Variants in CMTM4 observed in about 807,000 individuals in gnomAD.
The protein encoded by CMTM4 is CKLF like MARVEL transmembrane domain containing 4.
Under a neutral mutation model 19.0 loss-of-function variants are expected in CMTM4, and 8 were observed. The ratio of observed to expected loss-of-function variants is 0.42; its 90% CI spans 0.25 to 0.76. The LOEUF is 0.76. Ranked by LOEUF, CMTM4 falls within the 30% of genes least tolerant of loss-of-function variation. The pLI, the probability that CMTM4 is intolerant of heterozygous loss-of-function variation, is 0.27. For synonymous variants in CMTM4, 106 were observed against 121.1 expected, an observed-to-expected ratio of 0.88 and a Z score of 0.82; for missense variants, 228 against 290.2, an observed-to-expected ratio of 0.79 and a Z score of 1.56.
chr16:66,599,068 C>T, the CMTM4 span, among the ~76,000 whole-genome samples: 1 of 151,938 alleles, frequency 6.6e-6, no homozygotes, highest in Non-Finnish European at 1.5e-5. Context: ...TCATTTGAGC[C>T]CAGGAGTTCA....
chr16:66,675,029 C>T (rs1349795516), intron 1 of CMTM4, among the ~76,000 whole-genome samples: 1 of 151,368 alleles, frequency 6.6e-6, no homozygotes, highest in Non-Finnish European at 1.5e-5. Context: ...AGGCGTGAGC[C>T]ACCGCACCTG....
the CMTM4 span, among the ~76,000 whole-genome samples, chr16:66,606,910 C>T: frequency 2.6e-5 from 4 of 152,220 alleles, no homozygotes; most frequent in Non-Finnish European, 4.4e-5. Flanking sequence ...AGGAGAATCA[C>T]TTGAACCCCG....
At chr16:66,679,898 A>G (rs2016876458) in intron 1 of CMTM4, among the ~76,000 whole-genome samples, 4 of 151,934 alleles carry the variant, frequency 2.6e-5, no homozygotes, top group Admixed American at 2.6e-4. Context: ...TAATGGTTAC[A>G]GAAACAAACT....
Position 66,683,125 on chromosome 16 carries a change from G to A in CMTM4, c.186+13215C>T, listed in dbSNP as rs1233540332. Among the ~76,000 whole-genome samples, 13 of 129,286 alleles carry A rather than the reference G, an allele frequency of 1.0e-4. No individual in the cohort carries two copies. The South Asian group carries it at 1.0e-3, about 10-fold the overall frequency. The allele number at this position is 129,286 out of a possible 152,430, so 84.8% of individuals were successfully genotyped here. ...AGAGTCTAGTTGTGTGTGTGTGTGT[G>A]TGTGTATATATATATATATATGTAT... is the stretch of plus-strand genomic sequence containing the variant. On this transcript the variant is annotated intron_variant, in intron 1 of 3. Transcript: ENST00000394106.
chr16:66,635,154 AT>A (rs1010815089), intron 2 of CMTM4, among the ~76,000 whole-genome samples: 27 of 152,156 alleles, frequency 1.8e-4, no homozygotes, highest in Admixed American at 1.8e-3. Flanking sequence ...CTCTGTAAGC[AT>A]TTTCTTATGG....
At chr16:66,683,167 A>ATATATATGTATATATATATGTG in intron 1 of CMTM4, among the ~76,000 whole-genome samples, 1 of 84,418 alleles carries the variant, frequency 1.2e-5, no homozygotes, top group South Asian at 5.4e-4. Flanking sequence ...ATACGTATAT[A>ATATATATGTATATATATATGTG]TATATATACA....
At chr16:66,610,476 TGAC>T (rs2015335091), downstream of CMTM4, among the ~76,000 whole-genome samples, 1 of 152,048 alleles carries the variant, frequency 6.6e-6, no homozygotes, top group African/African-American at 2.4e-5. This position sits in a 1 kb window ranked among gnomAD's most constrained non-coding sequence, Gnocchi z 4.6. Flanking sequence ...GGGGCAGCAA[TGAC>T]GACAGTAAAA....
intron 1 of CMTM4, among the ~76,000 whole-genome samples, chr16:66,638,490 G>A (rs777035218): frequency 2.0e-5 from 3 of 152,198 alleles, no homozygotes; most frequent in Admixed American, 6.5e-5. Flanking sequence ...AGTTAGACAG[G>A]AAGAATAAGT....
At chr16:66,626,475 T>C (rs553493194) in intron 2 of CMTM4, among the ~76,000 whole-genome samples, 1 of 152,170 alleles carries the variant, frequency 6.6e-6, no homozygotes, top group Admixed American at 6.5e-5. Flanking sequence ...CACGGTGGCA[T>C]GCACCATGTA....
At chr16:66,607,596 A>C in the CMTM4 span, among the ~76,000 whole-genome samples, 2 of 152,174 alleles carry the variant, frequency 1.3e-5, no homozygotes, top group Non-Finnish European at 2.9e-5. Context: ...TTTTCTTTTC[A>C]AGGTGAAATC....
At position 66,631,298 on chromosome 16, in the gene CMTM4, G is replaced by A. The variant is rs1368837909; in HGVS notation, c.363+5107C>T. On this transcript the variant is annotated intron_variant, in intron 2 of 3. Coordinates refer to ENST00000394106, the MANE Select transcript of CMTM4 (RefSeq NM_181521.3). Reference sequence around the variant, plus strand: ...CCCCGCCCGGCCAGCCGCCCGGTCCGGGAGGGAGGTGGGGGGTCAGCCCCC... The same window carrying A: ...CCCCGCCCGGCCAGCCGCCCGGTCCAGGAGGGAGGTGGGGGGTCAGCCCCC... 2.0e-4 allele frequency among the ~76,000 whole-genome samples: 30 copies of A among 149,638 alleles called. 1 individual carries two copies. The highest frequency in any genetic ancestry group is 4.1e-4 in the East Asian group (2 of 4,886).
At chr16:66,630,326 T>TC (rs1280096568) in intron 2 of CMTM4, among the ~76,000 whole-genome samples, 1 of 31,920 alleles carries the variant, frequency 3.1e-5, no homozygotes, top group African/African-American at 1.3e-4. Flanking sequence ...CCCTCCCCCC[T>TC]CCCTCTCCCT....
chr16:66,646,454 AT>A (rs1449987462), intron 1 of CMTM4, among the ~76,000 whole-genome samples: 1 of 152,172 alleles, frequency 6.6e-6, no homozygotes, highest in African/African-American at 2.4e-5. Flanking sequence ...ACATGTATAT[AT>A]TATAGATTCA....
chr16:66,634,703 A>G (rs2015957563), intron 2 of CMTM4, among the ~76,000 whole-genome samples: 2 of 151,992 alleles, frequency 1.3e-5, no homozygotes. Flanking sequence ...CACAGCGCCC[A>G]CTGGTTTGAG....
intron 1 of CMTM4, among the ~76,000 whole-genome samples, chr16:66,688,932 A>C (rs1181620104): frequency 6.6e-6 from 1 of 151,992 alleles, no homozygotes. Context: ...TTTTTGTTTT[A>C]ATTTCCAATG....
At chr16:66,651,072 T>C (rs1338375034) in intron 1 of CMTM4, among the ~76,000 whole-genome samples, 4 of 152,180 alleles carry the variant, frequency 2.6e-5, no homozygotes, top group Non-Finnish European at 4.4e-5. Context: ...AAAAGGCTAG[T>C]TGTTAACGGC....
chr16:66,613,181 G>A, downstream of CMTM4: 1 of 701,306 alleles, frequency 1.4e-6, no homozygotes, highest in Non-Finnish European at 2.6e-6. Context: ...CTTGAAGCAG[G>A]GAGAAATTGA....
intron 1 of CMTM4, among the ~76,000 whole-genome samples, chr16:66,639,116 C>G (rs1423227167): frequency 6.6e-6 from 1 of 152,154 alleles, no homozygotes; most frequent in Non-Finnish European, 1.5e-5. Context: ...TCTTATAATT[C>G]TCTACTGCAC....
chr16:66,608,547 T>C, the CMTM4 span: 1 of 1,377,014 alleles, frequency 7.3e-7, no homozygotes, highest in Non-Finnish European at 1.0e-6. This position sits in a 1 kb window ranked among gnomAD's most constrained non-coding sequence, Gnocchi z 5.1. Context: ...CTTGGGCCCT[T>C]ATCCTTTCTC....
Sources: gnomAD v4.1 joint callset for allele counts (sites outside exome capture counted in the v4.1 genomes callset) on GRCh38, gnomAD v4.1.1 for gene constraint, Gnocchi (gnomAD v3.1) non-coding constraint, MANE v1.5 for transcripts, NCBI Gene and HGNC (gene_info 2026-07-23, HGNC 2026-07-21) for gene names.